The following DNAH14 variants were observed in gnomAD, a reference collection of about 807,000 sequenced individuals.
DNAH14 encodes the protein dynein axonemal heavy chain 14.
Under a neutral mutation model 520.9 loss-of-function variants are expected in DNAH14, and 478 were observed. The observed-to-expected ratio is 0.92, with a 90% CI of 0.85 to 0.99. The LOEUF (loss-of-function observed/expected upper bound fraction) is 0.99. DNAH14 is among the 50% of genes least tolerant of loss of function. The probability of loss-of-function intolerance (pLI) is 0.00; values close to 1 mark genes in which losing one functional copy is unlikely to be tolerated. For missense variants in DNAH14, 4,831 were observed against 5,234.5 expected, an observed-to-expected ratio of 0.92 and a Z score of 2.38; for synonymous variants, 1,581 against 1,757.2, an observed-to-expected ratio of 0.90 and a Z score of 2.51.
chr1:225,143,973 G>A (rs1163588250), intron 28 of DNAH14, among the ~76,000 whole-genome samples: 1 of 152,148 alleles, frequency 6.6e-6, no homozygotes, highest in Non-Finnish European at 1.5e-5. Flanking sequence ...AGTTCAATTT[G>A]TTTTGATACA....
intron 15 of DNAH14, among the ~76,000 whole-genome samples, chr1:225,047,792 T>C (rs181340161): frequency 1.1e-4 from 17 of 152,354 alleles, no homozygotes; most frequent in Middle Eastern, 3.4e-3. Flanking sequence ...CCAAACTTGT[T>C]TTCTAAAGTT....
At chr1:225,108,774 C>G (rs1402988843) in intron 23 of DNAH14, among the ~76,000 whole-genome samples, 2 of 152,128 alleles carry the variant, frequency 1.3e-5, no homozygotes, top group Non-Finnish European at 2.9e-5. Context: ...AGGTACTACT[C>G]AAGAAATCTT....
chr1:225,144,873 CAT>C (rs760405149), intron 29 of DNAH14, among the ~76,000 whole-genome samples: 171 of 151,284 alleles, frequency 1.1e-3, no homozygotes, highest in Admixed American at 2.0e-3. Flanking sequence ...TACTGACTAA[CAT>C]GTGAATGATT....
intron 41 of DNAH14, among the ~76,000 whole-genome samples, chr1:225,227,288 T>C (rs1067206): frequency 0.15 from 23,395 of 151,950 alleles, 2,093 homozygotes; most frequent in East Asian, 0.36. Flanking sequence ...GAGGTCCCTG[T>C]GGCCTTCCGC....
chr1:225,084,757 G>A (rs944560246), intron 20 of DNAH14, among the ~76,000 whole-genome samples: 5 of 22,698 alleles, frequency 2.2e-4, no homozygotes, highest in East Asian at 1.1e-3. Context: ...CTATTTGTCA[G>A]TCAGGTCCCA....
At chr1:225,380,409 A>G in intron 80 of DNAH14, 87 bp downstream of exon 80, 1 of 1,380,896 alleles carries the variant, frequency 7.2e-7, no homozygotes, top group Non-Finnish European at 9.6e-7. Context: ...AGATAAGACA[A>G]AAATTCTGTA....
chr1:225,083,093 T>C (rs912706574), intron 20 of DNAH14, among the ~76,000 whole-genome samples: 5 of 152,130 alleles, frequency 3.3e-5, no homozygotes, highest in African/African-American at 1.2e-4. Context: ...AATGAAAATA[T>C]ATTAAGAGCA....
intron 3 of DNAH14, among the ~76,000 whole-genome samples, chr1:224,959,909 A>T (rs144456727): frequency 6.6e-6 from 1 of 152,138 alleles, no homozygotes; most frequent in South Asian, 2.1e-4. Flanking sequence ...TACTGTGACA[A>T]TTCTCATTTC....
intron 10 of DNAH14, among the ~76,000 whole-genome samples, chr1:225,018,682 C>A (rs1409371232): frequency 2.6e-5 from 4 of 152,178 alleles, no homozygotes; most frequent in Non-Finnish European, 4.4e-5. Flanking sequence ...AAGGGAACCC[C>A]TTCTGGCTAA....
chr1:225,231,031 G>A, intron 41 of DNAH14, 42 bp from the exon 42 acceptor site: 2 of 1,409,120 alleles, frequency 1.4e-6, no homozygotes, highest in South Asian at 2.6e-5. Flanking sequence ...ATAAATTTTA[G>A]GTCTGTTGTT....
chr1:225,374,935 C>T, intron 78 of DNAH14, 50 bp downstream of exon 78: 2 of 1,430,334 alleles, frequency 1.4e-6, no homozygotes, highest in African/African-American at 2.9e-5. Context: ...TTAAAGTAAA[C>T]ATTGTTGCTT....
At chr1:225,186,897 G>C (rs1420019039) in intron 37 of DNAH14, among the ~76,000 whole-genome samples, 2 of 151,746 alleles carry the variant, frequency 1.3e-5, no homozygotes, top group Non-Finnish European at 3.0e-5. Flanking sequence ...CTTAGGAATG[G>C]TAGTAGGACC....
intron 1 of DNAH14, among the ~76,000 whole-genome samples, chr1:224,934,219 C>G (rs531571307): frequency 1.6e-4 from 25 of 152,000 alleles, no homozygotes; most frequent in African/African-American, 5.5e-4. Context: ...ATACAGAACT[C>G]AAAATACTGA....
chr1:225,271,605 A>G (rs1376837889), intron 50 of DNAH14, among the ~76,000 whole-genome samples: 6 of 152,172 alleles, frequency 3.9e-5, no homozygotes. Flanking sequence ...GAGATGAAAG[A>G]ATTCCCAGCA....
At position 225,043,927 on chromosome 1, in the gene DNAH14, G is replaced by A; in HGVS notation, c.1856G>A (p.Arg619Lys). 6.6e-7 allele frequency: 1 copy of A among 1,526,674 alleles called. No individual in the cohort carries two copies. The highest frequency in any genetic ancestry group is 8.9e-7 in the Non-Finnish European group (1 of 1,129,928). The allele number at this position is 1,526,674 out of a possible 1,614,324, so 94.6% of individuals were successfully genotyped here. The change falls in exon 15 of 86, where the codon AGA becomes AAA. Residue 619 changes from arginine to lysine, a missense_variant. Coordinates refer to ENST00000682510, the MANE Select transcript of DNAH14 (RefSeq NM_001367479.1). ...ACAAATCTCTTTATAGATCCCAACA[G>A]ATTGGAGTTTTCAGTAAAAATTCAA... ...FPTNLFIDPN[R>K]LEFSVKIQNM...
chr1:225,158,630 T>A (rs967375772), intron 34 of DNAH14, among the ~76,000 whole-genome samples: 1 of 152,242 alleles, frequency 6.6e-6, no homozygotes, highest in African/African-American at 2.4e-5. Context: ...TGTTATGCCA[T>A]ATACTTGATT....
chr1:225,152,932 A>G (rs764625380), intron 33 of DNAH14, 49 bp downstream of exon 33: 167 of 1,517,234 alleles, frequency 1.1e-4, no homozygotes, highest in Middle Eastern at 2.3e-4. Context: ...ATATAAAAAT[A>G]ACCTTAAGTA....
At chr1:225,116,975 G>A (rs1382996892) in intron 23 of DNAH14, among the ~76,000 whole-genome samples, 1 of 152,126 alleles carries the variant, frequency 6.6e-6, no homozygotes, top group Admixed American at 6.5e-5. Context: ...GTAGACAGTA[G>A]CTAAAGGAGA....
intron 44 of DNAH14, among the ~76,000 whole-genome samples, chr1:225,254,455 A>G (rs1290023907): frequency 6.6e-6 from 1 of 152,192 alleles, no homozygotes; most frequent in Non-Finnish European, 1.5e-5. Flanking sequence ...TGGCCAAAAA[A>G]TTGGCAACAT....
Sources: allele counts gnomAD v4.1 joint callset (sites outside exome capture counted in the v4.1 genomes callset), GRCh38; gene constraint gnomAD v4.1.1; transcripts MANE v1.5; gene names NCBI Gene and HGNC (gene_info 2026-07-23, HGNC 2026-07-21).